The following STPG2 variants were observed in gnomAD, a reference collection of about 807,000 sequenced individuals.
The protein encoded by STPG2 is sperm tail PG-rich repeat containing 2, also known as sperm-tail PG-rich repeat-containing protein 2.
In STPG2, 56 loss-of-function variants were observed where a neutral mutation model predicts 54.2. That is an observed-to-expected ratio of 1.03 (90% CI 0.83 to 1.29). The LOEUF is 1.29. STPG2 is among the 50% of genes most tolerant of loss of function. STPG2 has a pLI of 0.00. For missense variants in STPG2, 596 were observed against 544.9 expected, an observed-to-expected ratio of 1.09 and a Z score of -0.93; for synonymous variants, 200 against 181.8, an observed-to-expected ratio of 1.10 and a Z score of -0.81.
intron 10 of STPG2, among the ~76,000 whole-genome samples, chr4:97,653,915 G>T (rs1722144351): frequency 6.6e-6 from 1 of 152,140 alleles, no homozygotes; most frequent in Non-Finnish European, 1.5e-5. Flanking sequence ...GTAACAGTTT[G>T]ATCCCACAGG....
At chr4:98,054,027 C>T (rs1306120673) in intron 5 of STPG2, among the ~76,000 whole-genome samples, 2 of 152,054 alleles carry the variant, frequency 1.3e-5, no homozygotes, top group Non-Finnish European at 2.9e-5. Flanking sequence ...TAACTTCTGG[C>T]TAAATCTTTC....
intron 10 of STPG2, among the ~76,000 whole-genome samples, chr4:97,619,281 T>C (rs1350473580): frequency 6.6e-6 from 1 of 151,982 alleles, no homozygotes; most frequent in African/African-American, 2.4e-5. Flanking sequence ...TTAATGCCTA[T>C]TATCTGATTA....
intron 9 of STPG2, among the ~76,000 whole-genome samples, chr4:97,713,941 T>C (rs901980076): frequency 1.3e-5 from 2 of 152,158 alleles, no homozygotes; most frequent in African/African-American, 4.8e-5. Flanking sequence ...ATATCAAATG[T>C]TTCAAGAGGA....
At position 97,997,500 on chromosome 4, in the gene STPG2, T is replaced by C. The variant is rs1021817418; in HGVS notation, c.613-16182A>G. 2.4e-4 allele frequency among the ~76,000 whole-genome samples: 37 copies of C among 152,096 alleles called. 1 individual carries two copies. The highest frequency in any genetic ancestry group is 1.2e-4 in the Non-Finnish European group (8 of 68,018). ...CATGAGGACAGTACCAAGGGGGTGGTGCTAAACTATTCACGAGAAATCCTT... is the reference window on the plus strand; with the variant it reads ...CATGAGGACAGTACCAAGGGGGTGGCGCTAAACTATTCACGAGAAATCCTT... On this transcript the variant is annotated intron_variant, in intron 5 of 10. Transcript: ENST00000295268.
At chr4:98,026,346 T>G in intron 5 of STPG2, 1 of 490,802 alleles carries the variant, frequency 2.0e-6, no homozygotes, top group Non-Finnish European at 3.6e-6. Context: ...TGTACCGTGT[T>G]AGTTACCGAT....
chr4:98,057,456 C>A (rs2110095654), intron 5 of STPG2, among the ~76,000 whole-genome samples: 1 of 147,382 alleles, frequency 6.8e-6, no homozygotes, highest in African/African-American at 2.5e-5. Context: ...AGGAAAGAAT[C>A]TCAGGGCTTG....
At chr4:97,721,880 T>G (rs2149016501) in intron 9 of STPG2, among the ~76,000 whole-genome samples, 1 of 152,194 alleles carries the variant, frequency 6.6e-6, no homozygotes, top group South Asian at 2.1e-4. Context: ...ATACTCTTTT[T>G]AAAACATATA....
chr4:97,767,648 C>T lies in STPG2; in HGVS notation c.1205-54834G>A, dbSNP rs1036311488. Among the ~76,000 whole-genome samples the T allele has an allele frequency of 1.5e-4, 23 of 152,030 alleles. No homozygotes were observed. The South Asian group carries it at 4.4e-3, about 29-fold the overall frequency. On this transcript the variant is annotated intron_variant, in intron 9 of 10. Transcript: ENST00000295268. Reference sequence around the variant, plus strand: ...GCAATTTTTAATAAAAATAATGATTCGTTTTGTCTTCTAAATTAGAAGACT... The same window carrying T: ...GCAATTTTTAATAAAAATAATGATTTGTTTTGTCTTCTAAATTAGAAGACT...
chr4:98,128,470 A>G lies in STPG2; in HGVS notation c.345T>C (p.Ala115=), dbSNP rs750087083. 46 of 1,613,410 alleles carry G rather than the reference A, an allele frequency of 2.9e-5. No homozygotes were observed. In the Middle Eastern group the frequency reaches 8.3e-4, roughly 29 times the overall value. Residue 115 remains alanine (A), a synonymous_variant, in exon 3 of 11, where the codon GCT becomes GCC. Coordinates refer to ENST00000295268, the MANE Select transcript of STPG2 (RefSeq NM_174952.3). ...ATGCTGGACCAAGTGTACTGTCACA[A>G]GCAGGTGGAAAACATTTTATAATAC... The part of the protein sequence containing the change: ...DGSIIKCFPP[A]CDSTLGPAYY...
At chr4:97,864,381 A>T (rs1729680845) in intron 8 of STPG2, among the ~76,000 whole-genome samples, 1 of 152,168 alleles carries the variant, frequency 6.6e-6, no homozygotes, top group South Asian at 2.1e-4. Context: ...TCCAACTTAC[A>T]AGGGACGTGA....
chr4:98,089,080 T>G (rs926198080), intron 5 of STPG2, among the ~76,000 whole-genome samples: 8 of 152,104 alleles, frequency 5.3e-5, no homozygotes, highest in African/African-American at 1.9e-4. Context: ...CAATAGTTTT[T>G]GGAGTACAGA....
At chr4:97,537,931 C>T (rs529321918) in intron 4 of STPG2, among the ~76,000 whole-genome samples, 1 of 152,184 alleles carries the variant, frequency 6.6e-6, no homozygotes, top group South Asian at 2.1e-4. Context: ...CCCAGGCAAA[C>T]AGGGTCTGGA....
chr4:97,479,421 A>G (rs1199287275), intron 4 of STPG2, among the ~76,000 whole-genome samples: 1 of 151,982 alleles, frequency 6.6e-6, no homozygotes, highest in African/African-American at 2.4e-5. Context: ...TCTTCTGCAT[A>G]AAAGATAAGA....
At chr4:97,596,752 A>G (rs1218558052) in intron 10 of STPG2, among the ~76,000 whole-genome samples, 1 of 152,218 alleles carries the variant, frequency 6.6e-6, no homozygotes, top group Non-Finnish European at 1.5e-5. Flanking sequence ...AACCTCTGGG[A>G]CATAGCTAAA....
intron 5 of STPG2, among the ~76,000 whole-genome samples, chr4:97,995,186 C>T (rs958676708): frequency 1.3e-5 from 2 of 148,154 alleles, no homozygotes; most frequent in Non-Finnish European, 3.0e-5. Flanking sequence ...CCACCCCCTG[C>T]AATAGCACTG....
At chr4:97,574,012 C>T (rs1026011713) in intron 10 of STPG2, among the ~76,000 whole-genome samples, 1 of 152,046 alleles carries the variant, frequency 6.6e-6, no homozygotes, top group African/African-American at 2.4e-5. Context: ...TAGGATTCAA[C>T]AAGTTTTCTT....
chr4:98,133,417 G>A (rs1169741676), intron 2 of STPG2, among the ~76,000 whole-genome samples: 10 of 151,830 alleles, frequency 6.6e-5, no homozygotes, highest in Non-Finnish European at 1.2e-4. Context: ...TATCTCTAGC[G>A]GGTACCTTAT....
At chr4:98,072,873 T>C (rs1738049610) in intron 5 of STPG2, among the ~76,000 whole-genome samples, 2 of 152,214 alleles carry the variant, frequency 1.3e-5, no homozygotes, top group Admixed American at 1.3e-4. Flanking sequence ...ACCTGCTTTA[T>C]TGCTTGACCT....
rs940026587 is a variant in STPG2 at position 97,943,116 on chromosome 4, C to T, written c.1044+781G>A. On this transcript the variant is annotated intron_variant, in intron 8 of 10. Coordinates refer to ENST00000295268, the MANE Select transcript of STPG2 (RefSeq NM_174952.3). ...TCATAGACAGTATCTTCTCTGAGTC[C>T]TCATGGTAAAAGGGGCAAACGAGCC... Among the ~76,000 whole-genome samples, 5 of 152,170 alleles carry T rather than the reference C, an allele frequency of 3.3e-5. No homozygotes were observed. In the South Asian group the frequency reaches 6.2e-4, roughly 19 times the overall value.
Sources: allele counts gnomAD v4.1 joint callset (sites outside exome capture counted in the v4.1 genomes callset), GRCh38; gene constraint gnomAD v4.1.1; transcripts MANE v1.5; gene names NCBI Gene and HGNC (gene_info 2026-07-23, HGNC 2026-07-21).